Variants in COL4A4 observed in about 807,000 individuals in gnomAD.
The protein encoded by COL4A4 is collagen type IV alpha 4 chain.
Under a neutral mutation model 192.9 loss-of-function variants are expected in COL4A4, and 105 were observed. The observed-to-expected ratio is 0.54, with a 90% confidence interval of 0.46 to 0.64. COL4A4 has a LOEUF of 0.64. COL4A4 is among the 30% of genes least tolerant of loss of function. COL4A4 has a pLI of 0.00. For synonymous variants in COL4A4, 762 were observed against 769.9 expected (o/e 0.99, Z 0.17); for missense variants, 1,967 against 2,169.3 (o/e 0.91, Z 1.85).
At chr2:226,991,723 G>C in the COL4A4 span, among the ~76,000 whole-genome samples, 1 of 152,218 alleles carries the variant, frequency 6.6e-6, no homozygotes, top group Non-Finnish European at 1.5e-5. Context: ...CCAAGAGCAA[G>C]AGGGTAGCCT....
chr2:227,096,593 T>C (rs768845879), intron 19 of COL4A4, among the ~76,000 whole-genome samples: 3 of 152,174 alleles, frequency 2.0e-5, no homozygotes, highest in Non-Finnish European at 4.4e-5. Context: ...ATAGCTAATA[T>C]ATTGAATCTT....
chr2:227,081,958 T>TA (rs2059349659), intron 23 of COL4A4, among the ~76,000 whole-genome samples, 157 bp downstream of exon 23: 1 of 152,206 alleles, frequency 6.6e-6, no homozygotes, highest in Non-Finnish European at 1.5e-5. Context: ...TCAACATTCA[T>TA]ACAACCTTAT....
intron 4 of COL4A4, among the ~76,000 whole-genome samples, chr2:227,131,667 T>C (rs2062479186): frequency 6.6e-6 from 1 of 152,240 alleles, no homozygotes. Context: ...GCCCAGAGCC[T>C]GTGACTATTG....
intron 31 of COL4A4, 55 bp from the exon 32 acceptor site, chr2:227,052,467 T>G: frequency 9.6e-7 from 1 of 1,041,466 alleles, no homozygotes; most frequent in Non-Finnish European, 1.5e-6. Flanking sequence ...CACACATAAT[T>G]TATCCATTAC....
intron 12 of COL4A4, among the ~76,000 whole-genome samples, chr2:227,105,573 T>A (rs998100448): frequency 6.6e-6 from 1 of 152,212 alleles, no homozygotes; most frequent in Non-Finnish European, 1.5e-5. Context: ...GCCAAAATTT[T>A]TATTTATGCC....
At chr2:227,023,006 A>G (rs886955493) in intron 43 of COL4A4, among the ~76,000 whole-genome samples, 4 of 152,180 alleles carry the variant, frequency 2.6e-5, no homozygotes, top group Non-Finnish European at 4.4e-5. Context: ...GAAAGCTATA[A>G]TTCTGACTGT....
chr2:227,098,826 A>G, intron 18 of COL4A4, 28 bp from the exon 19 acceptor site: 2 of 1,542,898 alleles, frequency 1.3e-6, no homozygotes, highest in Non-Finnish European at 9.0e-7. Flanking sequence ...ACATGAGAAT[A>G]AACAAATGGT....
chr2:227,033,391 G>A lies in COL4A4; in HGVS notation c.3577+19C>T, dbSNP rs2149992474. On this transcript the variant is annotated intron_variant, in intron 38 of 47. Transcript: ENST00000396625. Reference sequence around the variant, plus strand: ...CATGGACTGAAGCTCAGTCTGTTACGAATCGATTAGGTGCTTACCTGAAGC... The same window carrying A: ...CATGGACTGAAGCTCAGTCTGTTACAAATCGATTAGGTGCTTACCTGAAGC... 2.5e-6 allele frequency: 4 copies of A among 1,598,648 alleles called. No individual in the cohort carries two copies. Among genetic ancestry groups the A allele is most frequent in the Non-Finnish European group, 2.6e-6 (3 of 1,167,126 alleles).
chr2:227,161,770 G>A (rs2064852874), intron 1 of COL4A4, among the ~76,000 whole-genome samples: 1 of 152,092 alleles, frequency 6.6e-6, no homozygotes, highest in Non-Finnish European at 1.5e-5. Flanking sequence ...CAATGCTGCT[G>A]GTCCCAAGGG....
chr2:227,134,822 C>A (rs774773283), intron 4 of COL4A4, among the ~76,000 whole-genome samples: 7 of 152,174 alleles, frequency 4.6e-5, no homozygotes, highest in African/African-American at 7.2e-5. Flanking sequence ...CGTCATTTGA[C>A]CTCCGTGTTT....
intron 42 of COL4A4, among the ~76,000 whole-genome samples, chr2:227,026,095 A>C (rs1297481026): frequency 6.6e-6 from 1 of 152,154 alleles, no homozygotes; most frequent in Non-Finnish European, 1.5e-5. Context: ...TCTTCTGGCA[A>C]ATATCCTCTA....
chr2:227,071,579 C>T (rs1458795878), intron 25 of COL4A4, among the ~76,000 whole-genome samples: 1 of 152,100 alleles, frequency 6.6e-6, no homozygotes, highest in Non-Finnish European at 1.5e-5. Flanking sequence ...ACATTCTACC[C>T]AAGATCTGCA....
downstream of COL4A4, among the ~76,000 whole-genome samples, chr2:227,001,942 G>T (rs1190830861): frequency 1.3e-5 from 2 of 152,212 alleles, no homozygotes; most frequent in Non-Finnish European, 1.5e-5. Flanking sequence ...GAAGGCTGAG[G>T]CAGGAGGATG....
Position 227,164,111 on chromosome 2 carries a change from T to C in COL4A4, c.-206A>G, listed in dbSNP as rs2065089310. On this transcript the variant is annotated 5_prime_UTR_variant, in exon 1 of 48. Transcript: ENST00000396625. This position sits in a 1 kb window ranked among gnomAD's most constrained non-coding sequence, Gnocchi z 4.8. ...GCCCCGCTGCCTCTTCGCGGCGCTC[T>C]CGCAGCCAAGCCCGGCGGCCGCAAG... 1 of 152,332 alleles carries C rather than the reference T, an allele frequency of 6.6e-6. No homozygotes were observed. The highest frequency in any genetic ancestry group is 6.5e-5 in the Admixed American group (1 of 15,282). 9.4% of individuals were successfully genotyped at this position (152,332 alleles called of 1,614,324 possible).
At chr2:226,970,942 CAT>C in the COL4A4 span, among the ~76,000 whole-genome samples, 121 of 152,298 alleles carry the variant, frequency 7.9e-4, no homozygotes, top group African/African-American at 2.8e-3. Flanking sequence ...TGTATTAAAA[CAT>C]ACGCAATCTC....
At chr2:227,157,632 CA>C (rs2064461805) in intron 1 of COL4A4, among the ~76,000 whole-genome samples, 1 of 151,744 alleles carries the variant, frequency 6.6e-6, no homozygotes, top group South Asian at 2.1e-4. Context: ...AATTATATGT[CA>C]ATAAATTTAA....
chr2:227,065,784 G>A (rs548144413), intron 25 of COL4A4, among the ~76,000 whole-genome samples: 14 of 152,316 alleles, frequency 9.2e-5, no homozygotes, highest in South Asian at 4.1e-4. Flanking sequence ...AAAAAACAGA[G>A]CAGAAAAACT....
Position 227,088,694 on chromosome 2 carries a change from C to T in COL4A4, c.1582G>A (p.Asp528Asn). ...GLPGWLGTKG[D>N]PGPPGAEGPP... ...CCTTCAGCACCAGGAGGTCCTGGGT[C>T]ACCTTTTGTTCCAAGCCAGCCAGGG... The change falls in exon 22 of 48, where the codon GAC becomes AAC. Residue 528 changes from aspartate to asparagine, a missense_variant. Transcript: ENST00000396625. The T allele has an allele frequency of 1.9e-6, 3 of 1,614,132 alleles. No individual in the cohort carries two copies. Among genetic ancestry groups the T allele is most frequent in the Non-Finnish European group, 2.5e-6 (3 of 1,180,022 alleles).
the COL4A4 span, among the ~76,000 whole-genome samples, chr2:226,969,300 G>A: frequency 5.3e-5 from 8 of 151,400 alleles, no homozygotes; most frequent in African/African-American, 1.9e-4. Flanking sequence ...GTTCCTAATG[G>A]GCTAAAAGAA....
Sources: gnomAD v4.1 joint callset for allele counts (sites outside exome capture counted in the v4.1 genomes callset) on GRCh38, gnomAD v4.1.1 for gene constraint, Gnocchi (gnomAD v3.1) non-coding constraint, MANE v1.5 for transcripts, NCBI Gene and HGNC (gene_info 2026-07-23, HGNC 2026-07-21) for gene names.